RBFOX1: variants seen among roughly 807,000 people sequenced by gnomAD.
RBFOX1 encodes RNA binding fox-1 homolog 1.
In RBFOX1, 8 loss-of-function variants were observed where a neutral mutation model predicts 57.7. The ratio of observed to expected loss-of-function variants is 0.14; its 90% confidence interval spans 0.08 to 0.25. The LOEUF is 0.25. Ranked by LOEUF, RBFOX1 falls within the 10% of genes least tolerant of loss-of-function variation. The pLI is 1.00. For synonymous variants in RBFOX1, 326 were observed against 222.4 expected, an observed-to-expected ratio of 1.47 and a Z score of -4.15; for missense variants, 611 against 548.5, an observed-to-expected ratio of 1.11 and a Z score of -1.14.
intron 2 of RBFOX1, among the ~76,000 whole-genome samples, chr16:6,586,923 G>C (rs1246609101): frequency 6.6e-6 from 1 of 152,082 alleles, no homozygotes; most frequent in Non-Finnish European, 1.5e-5. Context: ...ATGTAAAACA[G>C]GATGTTTTGA....
intron 3 of RBFOX1, among the ~76,000 whole-genome samples, chr16:5,733,580 A>T (rs564496787): frequency 4.6e-4 from 70 of 152,180 alleles, no homozygotes; most frequent in African/African-American, 1.5e-3. Context: ...CTAGAAAGTG[A>T]TCATGAAGTC....
chr16:7,666,825 G>C (rs557288995), intron 13 of RBFOX1, among the ~76,000 whole-genome samples: 45 of 152,330 alleles, frequency 3.0e-4, no homozygotes, highest in African/African-American at 1.0e-3. Flanking sequence ...TGCTTTTCTA[G>C]TTCCTTTAGG....
At chr16:6,603,266 C>T (rs978333650) in intron 2 of RBFOX1, among the ~76,000 whole-genome samples, 5 of 152,024 alleles carry the variant, frequency 3.3e-5, no homozygotes, top group African/African-American at 9.7e-5. Flanking sequence ...AGACTGACCC[C>T]GGGGAAAGGC....
chr16:5,312,129 G>A (rs1402436696), intron 1 of RBFOX1, among the ~76,000 whole-genome samples: 1 of 152,170 alleles, frequency 6.6e-6, no homozygotes, highest in African/African-American at 2.4e-5. Context: ...AGAATAGCCA[G>A]GTAGACTTTA....
At position 7,077,999 on chromosome 16, in the gene RBFOX1, C is replaced by G. The variant is rs533010213; in HGVS notation, c.27+25901C>G. ...CTGTCTCCTGAGTTACTCTGGGGCC[C>G]GGTGAATGGAGCATTACCTCCATCA... is the stretch of plus-strand genomic sequence containing the variant. On this transcript the variant is annotated intron_variant, in intron 4 of 15. Transcript: ENST00000550418. 3.1e-3 allele frequency among the ~76,000 whole-genome samples: 465 copies of G among 152,232 alleles called. 5 individuals are homozygous for G. Among genetic ancestry groups the G allele is most frequent in the Non-Finnish European group, 5.5e-3 (373 of 68,010 alleles).
At chr16:5,760,255 G>T (rs866266567) in intron 3 of RBFOX1, among the ~76,000 whole-genome samples, 3 of 152,028 alleles carry the variant, frequency 2.0e-5, no homozygotes, top group Admixed American at 1.3e-4. Context: ...GAGACAGTTG[G>T]TTGCCTTAGG....
intron 2 of RBFOX1, among the ~76,000 whole-genome samples, chr16:6,434,838 A>G (rs778324795): frequency 1.3e-5 from 2 of 152,178 alleles, no homozygotes; most frequent in Non-Finnish European, 1.5e-5. Flanking sequence ...TTTGTACCTC[A>G]TGATCCTTCA....
intron 4 of RBFOX1, among the ~76,000 whole-genome samples, chr16:7,135,529 T>G (rs2071680561): frequency 6.6e-6 from 1 of 152,224 alleles, no homozygotes; most frequent in Non-Finnish European, 1.5e-5. Context: ...GACAGAGCAA[T>G]AAGAAGATAA....
chr16:6,939,175 A>G (rs1224859357), intron 3 of RBFOX1, among the ~76,000 whole-genome samples: 1 of 152,208 alleles, frequency 6.6e-6, no homozygotes, highest in African/African-American at 2.4e-5. Flanking sequence ...ATTAGAACTC[A>G]GGCCAATGAA....
chr16:5,374,093 A>T (rs1409919539), intron 1 of RBFOX1, among the ~76,000 whole-genome samples: 3 of 152,108 alleles, frequency 2.0e-5, no homozygotes, highest in African/African-American at 4.8e-5. Context: ...ACCTGCCATC[A>T]TGTGCGGCTA....
intron 1 of RBFOX1, among the ~76,000 whole-genome samples, chr16:6,274,080 T>A (rs1434558308): frequency 6.6e-6 from 1 of 152,188 alleles, no homozygotes; most frequent in Admixed American, 6.5e-5. Context: ...TCGGATTACA[T>A]ACACATCGCT....
chr16:6,380,727 A>C, intron 2 of RBFOX1, among the ~76,000 whole-genome samples: 1 of 152,136 alleles, frequency 6.6e-6, no homozygotes, highest in East Asian at 1.9e-4. Flanking sequence ...ACAGGTGTTA[A>C]GTATAGGAAC....
Position 5,737,495 on chromosome 16 carries a change from T to C in RBFOX1, c.319-129808T>C, listed in dbSNP as rs9936263. ...AGTGAGACTCCATCTCAAAAATAAA[T>C]AAATAAAATTAAAACAAAAATATTC... On this transcript the variant is annotated intron_variant, in intron 3 of 19. Transcript: ENST00000641259. Among the ~76,000 whole-genome samples the C allele has an allele frequency of 6.7e-5, 8 of 119,942 alleles. 1 individual carries two copies. Among genetic ancestry groups the C allele is most frequent in the South Asian group, 2.7e-4 (1 of 3,720 alleles). 78.7% of individuals were successfully genotyped at this position (119,942 alleles called of 152,430 possible). A position where few individuals can be genotyped will look rare whatever the true frequency, so the allele number is the denominator to read the frequency against.
At chr16:5,811,343 A>T (rs977184806) in intron 3 of RBFOX1, among the ~76,000 whole-genome samples, 1 of 151,204 alleles carries the variant, frequency 6.6e-6, no homozygotes, top group Admixed American at 6.6e-5. Flanking sequence ...TGGTTTCCCT[A>T]TGTTAGCCAG....
At chr16:5,484,675 G>C (rs1597252697) in intron 2 of RBFOX1, among the ~76,000 whole-genome samples, 1 of 152,164 alleles carries the variant, frequency 6.6e-6, no homozygotes, top group South Asian at 2.1e-4. Flanking sequence ...CACTTTGGGA[G>C]ACTGAGGCGG....
intron 1 of RBFOX1, among the ~76,000 whole-genome samples, chr16:6,237,225 C>G (rs1048632449): frequency 3.9e-5 from 6 of 152,160 alleles, no homozygotes; most frequent in Non-Finnish European, 8.8e-5. Context: ...TCTTTGTTAT[C>G]TTGCTAAAGC....
At chr16:7,381,623 G>A (rs976860780) in intron 4 of RBFOX1, among the ~76,000 whole-genome samples, 11 of 151,978 alleles carry the variant, frequency 7.2e-5, no homozygotes, top group Non-Finnish European at 1.6e-4. Context: ...ATTATTTTGG[G>A]ATGTTGCTTT....
intron 4 of RBFOX1, among the ~76,000 whole-genome samples, chr16:7,369,062 C>G (rs1427889000): frequency 1.3e-5 from 2 of 151,644 alleles, no homozygotes; most frequent in South Asian, 2.1e-4. Flanking sequence ...TGGTAGAAGT[C>G]GTAATGAAGG....
chr16:6,956,945 T>C (rs114417070), intron 3 of RBFOX1, among the ~76,000 whole-genome samples: 1,828 of 152,196 alleles, frequency 0.012, 34 homozygotes, highest in African/African-American at 0.042. Context: ...AGTGAGAGTT[T>C]TTGGATTTCA....
Sources: allele counts gnomAD v4.1 joint callset (sites outside exome capture counted in the v4.1 genomes callset), GRCh38; gene constraint gnomAD v4.1.1; transcripts MANE v1.5; gene names NCBI Gene and HGNC (gene_info 2026-07-23, HGNC 2026-07-21).